Variants in SNX29 observed in about 807,000 individuals in gnomAD.
The protein encoded by SNX29 is sorting nexin-29.
Under a neutral mutation model 102.1 loss-of-function variants are expected in SNX29, and 78 were observed. The observed-to-expected ratio is 0.76, with a 90% CI of 0.64 to 0.92. SNX29 has a LOEUF of 0.92. SNX29 is among the 40% of genes least tolerant of loss of function. The probability of loss-of-function intolerance (pLI) is 0.00; values close to 1 mark genes in which losing one functional copy is unlikely to be tolerated. For missense variants in SNX29, 1,280 were observed against 1,061.7 expected, an observed-to-expected ratio of 1.21 and a Z score of -2.86; for synonymous variants, 580 against 414.5, an observed-to-expected ratio of 1.40 and a Z score of -4.85.
intron 17 of SNX29, among the ~76,000 whole-genome samples, chr16:12,400,376 C>G (rs941375959): frequency 6.6e-6 from 1 of 152,234 alleles, no homozygotes; most frequent in Non-Finnish European, 1.5e-5. Context: ...GTGCTGGACA[C>G]TGTTCTAACT....
chr16:12,312,148 T>C (rs1443572845), intron 15 of SNX29, among the ~76,000 whole-genome samples: 2 of 152,232 alleles, frequency 1.3e-5, no homozygotes, highest in Non-Finnish European at 2.9e-5. Context: ...TACAACTTGG[T>C]GGGTTTTTTA....
chr16:12,436,480 T>C (rs182218936), intron 18 of SNX29, among the ~76,000 whole-genome samples: 75 of 152,360 alleles, frequency 4.9e-4, no homozygotes, highest in Admixed American at 1.4e-3. Context: ...CAGATGCCAT[T>C]TCAGGAAATC....
intron 18 of SNX29, among the ~76,000 whole-genome samples, chr16:12,452,736 A>G (rs2086361447): frequency 6.6e-6 from 1 of 152,086 alleles, no homozygotes; most frequent in East Asian, 1.9e-4. Flanking sequence ...ACATGGGCCC[A>G]TGGGTGTGAG....
At chr16:12,404,124 C>G in intron 18 of SNX29, among the ~76,000 whole-genome samples, 1 of 152,150 alleles carries the variant, frequency 6.6e-6, no homozygotes, top group East Asian at 1.9e-4. Context: ...GACCACATGT[C>G]TGAGAGTGGG....
intron 19 of SNX29, among the ~76,000 whole-genome samples, chr16:12,504,508 CTT>C (rs1395138027): frequency 2.6e-5 from 4 of 152,158 alleles, no homozygotes; most frequent in Non-Finnish European, 5.9e-5. Context: ...ACTGTGAACT[CTT>C]GTGTGTCACA....
intron 16 of SNX29, among the ~76,000 whole-genome samples, chr16:12,357,722 G>C (rs146583170): frequency 6.6e-6 from 1 of 152,216 alleles, no homozygotes; most frequent in Admixed American, 6.5e-5. Context: ...AGCCCTTGGC[G>C]ACCATTCTAC....
At chr16:12,269,543 G>A (rs4780417) in intron 14 of SNX29, among the ~76,000 whole-genome samples, 90,150 of 151,982 alleles carry the variant, frequency 0.59, 27,203 homozygotes, top group Middle Eastern at 0.64. Flanking sequence ...GAACATGGAA[G>A]TATCCAGCCA....
chr16:12,494,138 C>T (rs1597600328), intron 19 of SNX29, among the ~76,000 whole-genome samples: 1 of 152,094 alleles, frequency 6.6e-6, no homozygotes, highest in East Asian at 1.9e-4. Context: ...CCTTGATGCC[C>T]GGAGTTCAAG....
chr16:12,121,103 CA>C (rs1306788078), intron 11 of SNX29, among the ~76,000 whole-genome samples: 1 of 152,334 alleles, frequency 6.6e-6, no homozygotes, highest in African/African-American at 2.4e-5. Context: ...TTTGATCATT[CA>C]CCAGGTCTCA....
chr16:12,452,779 C>T (rs971380011), intron 18 of SNX29, among the ~76,000 whole-genome samples: 14 of 152,118 alleles, frequency 9.2e-5, no homozygotes, highest in African/African-American at 3.4e-4. Context: ...TGTCGGCAGG[C>T]ATGGTGCTGT....
chr16:12,268,451 G>A (rs919854047), intron 14 of SNX29, among the ~76,000 whole-genome samples: 2 of 152,190 alleles, frequency 1.3e-5, no homozygotes, highest in Admixed American at 6.5e-5. Flanking sequence ...CTTGTTGCCC[G>A]TGTTTCTCCC....
intron 9 of SNX29, among the ~76,000 whole-genome samples, chr16:12,066,246 C>G (rs2051032023): frequency 6.6e-6 from 1 of 152,138 alleles, no homozygotes; most frequent in South Asian, 2.1e-4. Flanking sequence ...ACTGGGGCGT[C>G]TGCTGTAGAA....
intron 11 of SNX29, among the ~76,000 whole-genome samples, chr16:12,092,620 C>T (rs2052603465): frequency 6.6e-6 from 1 of 152,186 alleles, no homozygotes; most frequent in Admixed American, 6.5e-5. Context: ...GGTCGCTTGA[C>T]CTCTCTGTGC....
intron 20 of SNX29, among the ~76,000 whole-genome samples, chr16:12,539,817 C>T (rs186952183): frequency 3.3e-5 from 5 of 152,064 alleles, no homozygotes; most frequent in East Asian, 1.9e-4. Flanking sequence ...GGATGTTTTC[C>T]TTTAACACAT....
chr16:12,046,398 A>T lies in SNX29; in HGVS notation c.443A>T (p.Asp148Val). The T allele has an allele frequency of 1.2e-6, 2 of 1,613,724 alleles. No individual in the cohort carries two copies. Among genetic ancestry groups the T allele is most frequent in the Non-Finnish European group, 1.7e-6 (2 of 1,179,692 alleles). ...TCAATCTGCAGCACTTTTTATGAAG[A>T]CTGGTCTTTTGTGATGGATGAAGAA... is the stretch of plus-strand genomic sequence containing the variant. The part of the protein sequence containing the change: ...DRCRLSTFYE[D>V]WSFVMDEERS... Residue 148 changes from aspartate to valine, a missense_variant, in exon 6 of 21, where the codon GAC becomes GTC. By Grantham distance (152) the Asp-to-Val change is radical. Transcript: ENST00000566228.
chr16:11,985,971 A>G (rs2055606617), intron 1 of SNX29, among the ~76,000 whole-genome samples: 1 of 151,122 alleles, frequency 6.6e-6, no homozygotes, highest in Non-Finnish European at 1.5e-5. Context: ...TGCCTGGCTC[A>G]TTATTGTATT....
At chr16:12,498,446 T>C (rs1251835221) in intron 19 of SNX29, among the ~76,000 whole-genome samples, 1 of 152,172 alleles carries the variant, frequency 6.6e-6, no homozygotes, top group African/African-American at 2.4e-5. Context: ...GGATGACCAG[T>C]AGCAGGAGAC....
intron 4 of SNX29, among the ~76,000 whole-genome samples, chr16:12,032,129 G>T (rs2057361511): frequency 6.6e-6 from 1 of 151,406 alleles, no homozygotes; most frequent in East Asian, 1.9e-4. Context: ...TTTTTGTCTG[G>T]CTTTATTTAG....
intron 13 of SNX29, among the ~76,000 whole-genome samples, chr16:12,185,583 C>T (rs1366253438): frequency 6.6e-6 from 1 of 152,200 alleles, no homozygotes; most frequent in Non-Finnish European, 1.5e-5. Flanking sequence ...CTCTCTCCCT[C>T]TGTCTCTGCT....
Sources: allele counts gnomAD v4.1 joint callset (sites outside exome capture counted in the v4.1 genomes callset), GRCh38; gene constraint gnomAD v4.1.1; transcripts MANE v1.5; gene names NCBI Gene and HGNC (gene_info 2026-07-23, HGNC 2026-07-21).